MSH3: variants seen among roughly 807,000 people sequenced by gnomAD.
MSH3 encodes mutS homolog 3.
A neutral mutation model predicts 123.3 loss-of-function variants in MSH3; 106 were observed. The ratio of observed to expected loss-of-function variants is 0.86; its 90% CI spans 0.73 to 1.01. MSH3 has a LOEUF of 1.01. Among genes scored for constraint, MSH3 ranks in the 50% least tolerant of loss-of-function variants. The pLI is 0.00. For synonymous variants in MSH3, 515 were observed against 481.4 expected (o/e 1.07, Z -0.91); for missense variants, 1,459 against 1,347.6 (o/e 1.08, Z -1.29).
intron 19 of MSH3, among the ~76,000 whole-genome samples, chr5:80,813,189 G>T (rs569202600): frequency 2.6e-5 from 4 of 152,274 alleles, no homozygotes; most frequent in Non-Finnish European, 5.9e-5. Context: ...AAAATTACAT[G>T]TGCTGCCAAC....
intron 2 of MSH3, among the ~76,000 whole-genome samples, chr5:80,660,502 A>G (rs1202562928): frequency 6.6e-6 from 1 of 152,190 alleles, no homozygotes; most frequent in Non-Finnish European, 1.5e-5. Context: ...GCACAGTCAA[A>G]CTATATCACA....
rs1746301750 is a variant in MSH3, at chr5:80,875,931, G to T, written c.*69G>T. 2.2e-6 allele frequency: 2 copies of T among 905,298 alleles called. No homozygotes were observed. The highest frequency in any genetic ancestry group is 3.6e-6 in the Non-Finnish European group (2 of 551,992). The allele number at this position is 905,298 out of a possible 1,614,324, so 56.1% of individuals were successfully genotyped here. ...ACCAACTGTACAAAATAACTCTCCA[G>T]TAACAGCCTATCTTTGTGTGACATG... On this transcript the variant is annotated 3_prime_UTR_variant, in exon 24 of 24. Coordinates refer to ENST00000265081, the MANE Select transcript of MSH3 (RefSeq NM_002439.5).
At chr5:80,725,223 A>C (rs1437730487) in intron 8 of MSH3, among the ~76,000 whole-genome samples, 1 of 151,408 alleles carries the variant, frequency 6.6e-6, no homozygotes, top group Non-Finnish European at 1.5e-5. Flanking sequence ...TCAAAAAAAA[A>C]AAAAAAAAAA....
intron 8 of MSH3, among the ~76,000 whole-genome samples, chr5:80,717,442 A>T (rs1715273487): frequency 6.6e-6 from 1 of 151,666 alleles, no homozygotes; most frequent in Admixed American, 6.6e-5. Context: ...AATTTATATT[A>T]TTTTTTTTAG....
chr5:80,682,912 G>C (rs1561441046), intron 8 of MSH3, among the ~76,000 whole-genome samples: 1 of 152,062 alleles, frequency 6.6e-6, no homozygotes, highest in Non-Finnish European at 1.5e-5. Context: ...CATGAGTTCA[G>C]TTGTTTTAAT....
intron 20 of MSH3, among the ~76,000 whole-genome samples, chr5:80,818,400 G>GAAAAAA (rs1173920485): frequency 6.4e-4 from 4 of 6,266 alleles, no homozygotes; most frequent in East Asian, 5.0e-3. Context: ...AAATAGCAAT[G>GAAAAAA]ACAAAAAAAA....
At chr5:80,826,249 A>G (rs1414289099) in intron 20 of MSH3, among the ~76,000 whole-genome samples, 1 of 152,252 alleles carries the variant, frequency 6.6e-6, no homozygotes, top group African/African-American at 2.4e-5. Flanking sequence ...AATCTACTGT[A>G]TGGCTTGTAA....
At position 80,775,717 on chromosome 5, in the gene MSH3, TGC is replaced by T. The variant is rs757765125; in HGVS notation, c.2278_2279del (p.Ala760CysfsTer7). 6.3e-7 allele frequency: 1 copy of T among 1,585,038 alleles called. No homozygotes were observed. The highest frequency in any genetic ancestry group is 8.7e-7 in the Non-Finnish European group (1 of 1,153,870). Reference protein sequence around the residue: ...QEFMIEIKNSAVSCIPTDWVK... With the variant: ...QEFMIEIKNSXVSCIPTDWVK... ...AGTTTATGATAGAAATAAAGAACTC[TGC>T]TGTATCTTGTATACCAACTGATTGG... On this transcript the variant is annotated frameshift_variant, in exon 16 of 24. Coordinates refer to ENST00000265081, the MANE Select transcript of MSH3 (RefSeq NM_002439.5). LOFTEE classifies it high-confidence loss of function.
intron 13 of MSH3, among the ~76,000 whole-genome samples, chr5:80,762,785 T>TTTATG (rs1217889121): frequency 3.2e-4 from 30 of 94,412 alleles, no homozygotes; most frequent in African/African-American, 1.3e-3. Context: ...AATTTTTTAT[T>TTTATG]TTATTTTATG....
chr5:80,837,933 T>G (rs1580080989), intron 20 of MSH3, among the ~76,000 whole-genome samples: 1 of 152,234 alleles, frequency 6.6e-6, no homozygotes, highest in Middle Eastern at 3.4e-3. Flanking sequence ...GAGTCTGAGG[T>G]CCTCAGCTTC....
chr5:80,811,503 A>C (rs1011078196), intron 19 of MSH3, among the ~76,000 whole-genome samples: 1 of 152,090 alleles, frequency 6.6e-6, no homozygotes, highest in African/African-American at 2.4e-5. Context: ...TATGGGTGAA[A>C]TTGGTCTGTA....
intron 12 of MSH3, among the ~76,000 whole-genome samples, chr5:80,755,644 G>A (rs26283): frequency 0.87 from 133,140 of 152,176 alleles, 58,374 homozygotes; most frequent in East Asian, 1. Context: ...CATAAGGGAA[G>A]AACTGAGGGA....
At chr5:80,773,061 A>G (rs1033167823) in intron 15 of MSH3, among the ~76,000 whole-genome samples, 6 of 152,166 alleles carry the variant, frequency 3.9e-5, no homozygotes, top group African/African-American at 1.4e-4. Context: ...TTGTGGTCCA[A>G]ACTGTTCCCA....
rs915086164 is a variant in MSH3 at position 80,729,044 on chromosome 5, A to T, written c.1568+79A>T. On this transcript the variant is annotated intron_variant, in intron 10 of 23. Coordinates refer to ENST00000265081, the MANE Select transcript of MSH3 (RefSeq NM_002439.5). Reference sequence around the variant, plus strand: ...CTTAAATTGAATTTGGTAGTACTATACTTAGAGAAGCTTGCCTGCTATTGA... The same window carrying T: ...CTTAAATTGAATTTGGTAGTACTATTCTTAGAGAAGCTTGCCTGCTATTGA... 11 of 852,702 alleles carry T rather than the reference A, an allele frequency of 1.3e-5. No homozygotes were observed. In the Admixed American group the frequency reaches 1.7e-4, roughly 13 times the overall value. The allele number at this position is 852,702 out of a possible 1,614,324, so 52.8% of individuals were successfully genotyped here. A position where few individuals can be genotyped will look rare whatever the true frequency, so the allele number is the denominator to read the frequency against.
At chr5:80,668,761 T>C (rs898702507) in intron 3 of MSH3, among the ~76,000 whole-genome samples, 9 of 152,088 alleles carry the variant, frequency 5.9e-5, no homozygotes, top group Admixed American at 5.9e-4. Flanking sequence ...TGGCTGCAGC[T>C]GCACCCAGGA....
intron 22 of MSH3, 108 bp downstream of exon 22, chr5:80,865,050 TGA>T: frequency 8.9e-7 from 1 of 1,126,530 alleles, no homozygotes; most frequent in Non-Finnish European, 1.3e-6. Context: ...GCTGTGAATG[TGA>T]GCTATAAATA....
chr5:80,719,598 G>GA (rs1307407415), intron 8 of MSH3, among the ~76,000 whole-genome samples: 1 of 152,024 alleles, frequency 6.6e-6, no homozygotes, highest in African/African-American at 2.4e-5. Context: ...CCACATTACT[G>GA]AATCTATGTT....
At chr5:80,748,960 CT>C (rs1743775391) in intron 12 of MSH3, among the ~76,000 whole-genome samples, 1 of 152,026 alleles carries the variant, frequency 6.6e-6, no homozygotes, top group Non-Finnish European at 1.5e-5. Context: ...ATACTATATA[CT>C]TTAAAAATTA....
intron 17 of MSH3, among the ~76,000 whole-genome samples, chr5:80,785,411 C>T (rs909509301): frequency 6.6e-6 from 1 of 152,102 alleles, no homozygotes; most frequent in Non-Finnish European, 1.5e-5. Flanking sequence ...AATGAGATAC[C>T]ATCTCACACC....
Sources: allele counts gnomAD v4.1 joint callset (sites outside exome capture counted in the v4.1 genomes callset), GRCh38; gene constraint gnomAD v4.1.1; transcripts MANE v1.5; gene names NCBI Gene and HGNC (gene_info 2026-07-23, HGNC 2026-07-21).